Variants in ACSM2B observed in about 807,000 individuals in gnomAD.
ACSM2B encodes the protein acyl-coenzyme A synthetase ACSM2B, mitochondrial.
In ACSM2B, 58 loss-of-function variants were observed where a neutral mutation model predicts 78.6. The ratio of observed to expected loss-of-function variants is 0.74; its 90% confidence interval spans 0.60 to 0.92. ACSM2B has a LOEUF of 0.92. Among genes scored for constraint, ACSM2B ranks in the 40% least tolerant of loss-of-function variants. The probability of loss-of-function intolerance (pLI) is 0.00; values close to 1 mark genes in which losing one functional copy is unlikely to be tolerated. For missense variants in ACSM2B, 688 were observed against 711.2 expected, an observed-to-expected ratio of 0.97 and a Z score of 0.37; for synonymous variants, 257 against 256.8, an observed-to-expected ratio of 1.00 and a Z score of -0.01.
chr16:20,552,219 A>G lies in ACSM2B; in HGVS notation c.819T>C (p.Leu273=). 6.2e-7 allele frequency: 1 copy of G among 1,613,910 alleles called. No homozygotes were observed. Among genetic ancestry groups the G allele is most frequent in the Admixed American group, 1.7e-5 (1 of 60,012 alleles). Residue 273 remains leucine (L), a synonymous_variant, in exon 6 of 14, where the codon CTT becomes CTC. Coordinates refer to ENST00000329697, the MANE Select transcript of ACSM2B (RefSeq NM_001105069.2). ...TGWILNILGS[L]LESWTLGACT... is the part of the protein sequence containing the mutation. Reference sequence around the variant, plus strand: ...ATGCTCCTAATGTCCAAGATTCCAAAAGTGAGCCCAAGATGTTCAGTATCC... The same window carrying G: ...ATGCTCCTAATGTCCAAGATTCCAAGAGTGAGCCCAAGATGTTCAGTATCC...
intron 6 of ACSM2B, among the ~76,000 whole-genome samples, chr16:20,549,392 C>A (rs1406569410): frequency 6.6e-6 from 1 of 151,938 alleles, no homozygotes; most frequent in Non-Finnish European, 1.5e-5. Flanking sequence ...TCTGCAGAGT[C>A]CCAAGGAGGT....
At chr16:20,573,151 A>G (rs1240368620) in intron 1 of ACSM2B, among the ~76,000 whole-genome samples, 1 of 151,810 alleles carries the variant, frequency 6.6e-6, no homozygotes, top group Non-Finnish European at 1.5e-5. Flanking sequence ...TTGTTTTATC[A>G]TATTCCCAGA....
intron 1 of ACSM2B, among the ~76,000 whole-genome samples, chr16:20,572,153 A>G (rs1294181186): frequency 2.0e-5 from 3 of 150,462 alleles, no homozygotes; most frequent in Non-Finnish European, 3.0e-5. Context: ...TCTTTATTGT[A>G]TTTTTGTTTT....
intron 9 of ACSM2B, 118 bp downstream of exon 9, chr16:20,546,276 A>T: frequency 2.2e-5 from 32 of 1,426,904 alleles, no homozygotes; most frequent in Admixed American, 1.4e-4. Flanking sequence ...CTTTTTTCTG[A>T]TATTATCTTA....
At chr16:20,562,412 A>G (rs950781965) in intron 2 of ACSM2B, among the ~76,000 whole-genome samples, 1 of 152,162 alleles carries the variant, frequency 6.6e-6, no homozygotes, top group Admixed American at 6.5e-5. Flanking sequence ...ATTTGCCTCC[A>G]TCAGAGTTAT....
rs369446216 is a variant in ACSM2B, at chr16:20,546,386, G to A, written c.1179+8C>T. 10 of 1,593,350 alleles carry A rather than the reference G, an allele frequency of 6.3e-6. No individual in the cohort carries two copies. The highest frequency in any genetic ancestry group is 3.5e-5 in the Admixed American group (2 of 57,112). ...TAACTTCCTCCCTCCTCAGTGTCCC[G>A]AGCAAACCTGTACATCATAACAGGA... On this transcript the variant is annotated splice_region_variant and intron_variant, in intron 9 of 13. Transcript: ENST00000329697.
intron 10 of ACSM2B, 23 bp from the exon 11 acceptor site, chr16:20,543,285 G>A (rs1225730226): frequency 6.2e-7 from 1 of 1,612,896 alleles, no homozygotes; most frequent in South Asian, 1.1e-5. Context: ...GAAAGACAGA[G>A]TCATTGTGCC....
rs1426389117 is a variant in ACSM2B, at chr16:20,537,234, C to A, written c.*24G>T. The stretch of plus-strand genomic sequence containing the variant: ...AAAGAAAGAGAAAGAAGAGGGGAAT[C>A]CAAATGAATGTCTCCTAGACGCCTC... On this transcript the variant is annotated 3_prime_UTR_variant, in exon 14 of 14. Transcript: ENST00000329697. 6.2e-7 allele frequency: 1 copy of A among 1,612,140 alleles called. No individual in the cohort carries two copies. The highest frequency in any genetic ancestry group is 8.5e-7 in the Non-Finnish European group (1 of 1,178,318).
In ACSM2B at chr16:20,564,151, T is replaced by A. The variant is rs548041496; in HGVS notation, c.177+518A>T. ...GAGAATCTCACTCTGTGGAGTGCGG[T>A]GGTGTGATCACAGTTCACTGCAGCC... is the stretch of plus-strand genomic sequence containing the variant. On this transcript the variant is annotated intron_variant, in intron 2 of 13. Coordinates refer to ENST00000329697, the MANE Select transcript of ACSM2B (RefSeq NM_001105069.2). 1.5e-4 allele frequency among the ~76,000 whole-genome samples: 23 copies of A among 152,292 alleles called. No homozygotes were observed. In the South Asian group the frequency reaches 4.8e-3, roughly 32 times the overall value.
At chr16:20,542,579 T>A (rs1160749484) in intron 12 of ACSM2B, 2 of 305,656 alleles carry the variant, frequency 6.5e-6, no homozygotes, top group African/African-American at 2.1e-5. Flanking sequence ...AGACATCTTT[T>A]TGATATGCTG....
At chr16:20,561,007 G>T (rs1167989713) in intron 2 of ACSM2B, among the ~76,000 whole-genome samples, 4 of 152,048 alleles carry the variant, frequency 2.6e-5, no homozygotes, top group East Asian at 3.8e-4. Context: ...TCTGACAGAA[G>T]AAATTTTTAA....
intron 6 of ACSM2B, among the ~76,000 whole-genome samples, chr16:20,550,094 A>ACT (rs2015262172): frequency 6.6e-6 from 1 of 152,140 alleles, no homozygotes; most frequent in African/African-American, 2.4e-5. Context: ...GGCCTGAAAC[A>ACT]GTCTCTCAGG....
chr16:20,549,192 C>T (rs1045661592), intron 6 of ACSM2B, among the ~76,000 whole-genome samples: 1 of 152,192 alleles, frequency 6.6e-6, no homozygotes, highest in African/African-American at 2.4e-5. Context: ...ATAACACCAT[C>T]TCCATCCCAT....
intron 6 of ACSM2B, 131 bp from the exon 7 acceptor site, chr16:20,548,604 T>A: frequency 1.3e-6 from 2 of 1,560,288 alleles, no homozygotes; most frequent in Non-Finnish European, 1.7e-6. Context: ...GTTTACTATG[T>A]CTGATTCAAG....
At chr16:20,552,827 T>G (rs752337825) in intron 5 of ACSM2B, among the ~76,000 whole-genome samples, 1 of 152,194 alleles carries the variant, frequency 6.6e-6, no homozygotes, top group African/African-American at 2.4e-5. Context: ...GCAAGAATGA[T>G]TTAAGCTAGA....
At chr16:20,557,996 C>A (rs1394369114) in intron 3 of ACSM2B, among the ~76,000 whole-genome samples, 1 of 152,182 alleles carries the variant, frequency 6.6e-6, no homozygotes, top group African/African-American at 2.4e-5. Context: ...CCTCCTGAAA[C>A]TAACTGTGTC....
At position 20,540,726 on chromosome 16, in the gene ACSM2B, G is replaced by T. The variant is rs1476923493; in HGVS notation, c.1557C>A (p.Asp519Glu). 1.9e-6 allele frequency: 3 copies of T among 1,614,112 alleles called. No homozygotes were observed. The highest frequency in any genetic ancestry group is 1.7e-4 in the Middle Eastern group (1 of 6,060). Residue 519 changes from aspartate to glutamate, a missense_variant, in exon 13 of 14, where the codon GAC becomes GAA. Transcript: ENST00000329697. The part of the protein sequence containing the change: ...VILASQFLSH[D>E]PEQLTKELQQ... ...GCAGCTCCTTGGTGAGCTGTTCTGG[G>T]TCATGGGATAGGAACTGCGAGGCCA...
At chr16:20,565,794 T>C (rs1596733198) in intron 1 of ACSM2B, among the ~76,000 whole-genome samples, 2 of 152,062 alleles carry the variant, frequency 1.3e-5, no homozygotes, top group East Asian at 1.9e-4. Flanking sequence ...ACCCACTTTG[T>C]ACCCTTTTAT....
In ACSM2B at chr16:20,543,185, A is replaced by G. The variant is rs768668205; in HGVS notation, c.1359T>C (p.Asp453=). The stretch of plus-strand genomic sequence containing the variant: ...CCCGTCCCATAAACTGGAAATACCC[A>G]TCTTCATCTTTGATTCCCCGGTCTC... The part of the protein sequence containing the change: ...LLGDRGIKDE[D]GYFQFMGRAD... Residue 453 remains aspartate (D), a synonymous_variant, in exon 11 of 14, where the codon GAT becomes GAC. Coordinates refer to ENST00000329697, the MANE Select transcript of ACSM2B (RefSeq NM_001105069.2). 2.5e-6 allele frequency: 4 copies of G among 1,613,680 alleles called. No homozygotes were observed. In the African/African-American group the frequency reaches 4.0e-5, roughly 16 times the overall value.
Sources: allele counts gnomAD v4.1 joint callset (sites outside exome capture counted in the v4.1 genomes callset), GRCh38; gene constraint gnomAD v4.1.1; transcripts MANE v1.5; gene names NCBI Gene and HGNC (gene_info 2026-07-23, HGNC 2026-07-21).